The following CALN1 variants were observed in gnomAD, a reference collection of about 807,000 sequenced individuals.
The protein encoded by CALN1 is calneuron 1, also known as calcium-binding protein 8.
A neutral mutation model predicts 30.6 loss-of-function variants in CALN1; 17 were observed. The observed-to-expected ratio is 0.56, with a 90% CI of 0.38 to 0.83. The LOEUF is 0.83. Ranked by LOEUF, CALN1 falls within the 40% of genes least tolerant of loss-of-function variation. The pLI is 0.00. For missense variants in CALN1, 291 were observed against 354.9 expected, an observed-to-expected ratio of 0.82 and a Z score of 1.45; for synonymous variants, 156 against 131.4, an observed-to-expected ratio of 1.19 and a Z score of -1.28.
At chr7:71,971,991 A>AAGAAAGAAAGAAAGAAAGAAAGAG (rs1562946821) in intron 5 of CALN1, among the ~76,000 whole-genome samples, 4 of 129,014 alleles carry the variant, frequency 3.1e-5, no homozygotes, top group Non-Finnish European at 6.5e-5. Flanking sequence ...GAAAGAAAGA[A>AAGAAAGAAAGAAAGAAAGAAAGAG]AGAGAAAGAA....
chr7:72,279,214 G>A (rs1344396178), intron 2 of CALN1, among the ~76,000 whole-genome samples: 1 of 151,974 alleles, frequency 6.6e-6, no homozygotes, highest in Non-Finnish European at 1.5e-5. Flanking sequence ...GGATGCCCAG[G>A]GACTAGATGT....
intron 1 of CALN1, among the ~76,000 whole-genome samples, chr7:72,427,643 A>ATTTATTTTTATT (rs558641956): frequency 7.4e-4 from 112 of 151,606 alleles, no homozygotes; most frequent in African/African-American, 2.2e-3. Flanking sequence ...ACACATGGCA[A>ATTTATTTTTATT]TTTATTTTTA....
intron 6 of CALN1, among the ~76,000 whole-genome samples, chr7:71,808,256 G>A (rs1787737167): frequency 6.7e-6 from 1 of 149,822 alleles, no homozygotes; most frequent in South Asian, 2.1e-4. Context: ...GCCACTTAGT[G>A]CAGTGCCTGG....
intron 2 of CALN1, chr7:72,337,054 C>CCTCCCG (rs1436343217): frequency 4.1e-6 from 4 of 985,556 alleles, no homozygotes; most frequent in Admixed American, 6.1e-5. Context: ...CTCCTCTACC[C>CCTCCCG]CTCCCGCTCC....
intron 2 of CALN1, among the ~76,000 whole-genome samples, chr7:72,342,039 G>T (rs1178348790): frequency 6.6e-6 from 1 of 151,998 alleles, no homozygotes; most frequent in African/African-American, 2.4e-5. Context: ...ATTACTGGAG[G>T]TTGGGAATTT....
chr7:72,305,001 C>G (rs1799551370), intron 2 of CALN1, among the ~76,000 whole-genome samples: 1 of 152,172 alleles, frequency 6.6e-6, no homozygotes, highest in Non-Finnish European at 1.5e-5. Context: ...CAGACAGGAC[C>G]AAGGCTGCCT....
At chr7:72,406,950 C>T (rs941595263) in intron 1 of CALN1, among the ~76,000 whole-genome samples, 3 of 152,126 alleles carry the variant, frequency 2.0e-5, no homozygotes, top group Admixed American at 6.6e-5. Context: ...GTGACCTACC[C>T]ACTTCCTTTA....
At position 72,192,716 on chromosome 7, in the gene CALN1, A is replaced by G. The variant is rs944160287; in HGVS notation, c.244+85970T>C. Among the ~76,000 whole-genome samples the G allele has an allele frequency of 6.4e-4, 96 of 150,968 alleles. 1 individual carries two copies. Among genetic ancestry groups the G allele is most frequent in the African/African-American group, 2.2e-3 (92 of 41,220 alleles). The stretch of plus-strand genomic sequence containing the variant: ...TACATGTGCACATTGTGCAGGTTAC[A>G]TATGTATACATGTGCCATGCTGGTG... On this transcript the variant is annotated intron_variant, in intron 3 of 6. Transcript: ENST00000395275.
intron 3 of CALN1, among the ~76,000 whole-genome samples, chr7:72,185,388 C>A (rs1790113701): frequency 6.6e-6 from 1 of 152,052 alleles, no homozygotes. Flanking sequence ...CAGAGATAGA[C>A]CTGAAAACAC....
intron 3 of CALN1, among the ~76,000 whole-genome samples, chr7:72,113,935 G>A (rs150181780): frequency 0.011 from 1,655 of 152,218 alleles, 15 homozygotes; most frequent in Admixed American, 0.015. Flanking sequence ...CTGTCACAGA[G>A]TCTAAGGGGA....
At position 72,284,152 on chromosome 7, in the gene CALN1, A is replaced by G. The variant is rs572779275; in HGVS notation, c.120-5342T>C. On this transcript the variant is annotated intron_variant, in intron 2 of 6. Coordinates refer to ENST00000395275, the MANE Select transcript of CALN1 (RefSeq NM_031468.4). ...CAGAAAAATTTTAAAAATTTTAGTC[A>G]GGCATGGTGGTGCATGACTGTAGTC... Among the ~76,000 whole-genome samples the G allele has an allele frequency of 2.6e-5, 4 of 152,222 alleles. No homozygotes were observed. The South Asian group carries it at 8.3e-4, about 32-fold the overall frequency.
At chr7:72,032,787 C>T (rs1801546057) in intron 4 of CALN1, among the ~76,000 whole-genome samples, 1 of 152,134 alleles carries the variant, frequency 6.6e-6, no homozygotes. Flanking sequence ...GGAGGGGATA[C>T]AGGTCGTTCA....
intron 2 of CALN1, among the ~76,000 whole-genome samples, chr7:72,284,079 C>T (rs1797911558): frequency 6.6e-6 from 1 of 152,070 alleles, no homozygotes; most frequent in Non-Finnish European, 1.5e-5. Flanking sequence ...TTACTTGAGG[C>T]TAGGAGTTCA....
chr7:72,454,108 C>T, the CALN1 span, among the ~76,000 whole-genome samples: 4 of 151,976 alleles, frequency 2.6e-5, no homozygotes, highest in East Asian at 1.9e-4. Flanking sequence ...GGTAAATGTC[C>T]GTACGTTTTA....
chr7:71,879,410 A>G (rs12699110), intron 5 of CALN1, among the ~76,000 whole-genome samples: 17,583 of 152,140 alleles, frequency 0.12, 1,479 homozygotes, highest in East Asian at 0.43. Flanking sequence ...AGAGGCGAAG[A>G]CTTGTTTAAA....
At chr7:72,126,220 A>G (rs1251384436) in intron 3 of CALN1, among the ~76,000 whole-genome samples, 8 of 152,300 alleles carry the variant, frequency 5.3e-5, no homozygotes, top group Middle Eastern at 3.4e-3. Context: ...CTCCAACTCC[A>G]TAAAAGTTGC....
intron 3 of CALN1, among the ~76,000 whole-genome samples, chr7:72,256,011 A>G (rs1795887832): frequency 6.6e-6 from 1 of 152,220 alleles, no homozygotes; most frequent in African/African-American, 2.4e-5. Flanking sequence ...TACAGGCGTG[A>G]GCCACCGCGC....
At chr7:72,047,038 C>G (rs1802517158) in intron 4 of CALN1, among the ~76,000 whole-genome samples, 1 of 152,032 alleles carries the variant, frequency 6.6e-6, no homozygotes, top group Non-Finnish European at 1.5e-5. Context: ...ACACTCTAGC[C>G]TGGACAACAG....
intron 5 of CALN1, among the ~76,000 whole-genome samples, chr7:71,957,472 A>C (rs1797017548): frequency 2.0e-5 from 3 of 152,076 alleles, no homozygotes; most frequent in African/African-American, 7.2e-5. Flanking sequence ...ATCAAACCCC[A>C]AAAAAGACAC....
Sources: gnomAD v4.1 joint callset for allele counts (sites outside exome capture counted in the v4.1 genomes callset) on GRCh38, gnomAD v4.1.1 for gene constraint, MANE v1.5 for transcripts, NCBI Gene and HGNC (gene_info 2026-07-23, HGNC 2026-07-21) for gene names.